Variants in TNS4 observed in about 807,000 individuals in gnomAD.
The protein encoded by TNS4 is tensin 4.
TNS4 carries 46 observed loss-of-function variants against 70.4 expected under a neutral mutation model. The observed-to-expected ratio is 0.65, with a 90% CI of 0.52 to 0.84. The LOEUF is 0.84. Ranked by LOEUF, TNS4 falls within the 40% of genes least tolerant of loss-of-function variation. The pLI is 0.00. For synonymous variants in TNS4, 390 were observed against 366.6 expected, an observed-to-expected ratio of 1.06 and a Z score of -0.73; for missense variants, 863 against 907.0, an observed-to-expected ratio of 0.95 and a Z score of 0.62.
chr17:40,492,523 A>G (rs2036087341), intron 2 of TNS4, among the ~76,000 whole-genome samples: 1 of 151,338 alleles, frequency 6.6e-6, no homozygotes, highest in African/African-American at 2.4e-5. Context: ...TCATGCCATC[A>G]CACCCAACTA....
At chr17:40,497,538 G>T (rs1479590959) in intron 1 of TNS4, among the ~76,000 whole-genome samples, 1 of 152,240 alleles carries the variant, frequency 6.6e-6, no homozygotes, top group Admixed American at 6.5e-5. Context: ...GGGAGGCAGA[G>T]GTTGCAGTGA....
At chr17:40,484,818 C>T in intron 5 of TNS4, 103 bp downstream of exon 5, 3 of 1,454,432 alleles carry the variant, frequency 2.1e-6, no homozygotes, top group African/African-American at 2.8e-5. Flanking sequence ...CCCCGCTTCC[C>T]AGGACCCACT....
chr17:40,478,165 TC>T (rs1485383258), intron 12 of TNS4, 141 bp downstream of exon 12: 2 of 1,093,978 alleles, frequency 1.8e-6, no homozygotes, highest in Non-Finnish European at 2.7e-6. Flanking sequence ...TCAAAGTCTT[TC>T]CCATCAGATG....
intron 4 of TNS4, among the ~76,000 whole-genome samples, chr17:40,486,787 T>C (rs1041872734): frequency 2.0e-5 from 3 of 152,280 alleles, no homozygotes; most frequent in Admixed American, 2.0e-4. Context: ...ACTGAAAGAA[T>C]CATTCCTTCA....
Position 40,480,620 on chromosome 17 carries a change from A to G in TNS4, c.1741+80T>C, listed in dbSNP as rs964106293. The G allele has an allele frequency of 4.6e-5, 62 of 1,336,428 alleles. No homozygotes were observed. The Middle Eastern group carries it at 2.1e-3, about 46-fold the overall frequency. 82.8% of individuals were successfully genotyped at this position (1,336,428 alleles called of 1,614,324 possible). ...TGTGTGCCTGTGCGTGTGTGCGTGC[A>G]TGCGTGCGTGTGTGCAGGGTTGGGA... is the stretch of plus-strand genomic sequence containing the variant. On this transcript the variant is annotated intron_variant, in intron 9 of 12. Coordinates refer to ENST00000254051, the MANE Select transcript of TNS4 (RefSeq NM_032865.6).
chr17:40,489,526 G>A (rs4405602), intron 2 of TNS4, among the ~76,000 whole-genome samples: 1 of 152,126 alleles, frequency 6.6e-6, no homozygotes, highest in Admixed American at 6.6e-5. Context: ...GTTTCTCTGA[G>A]GCTGGGCGCG....
intron 2 of TNS4, among the ~76,000 whole-genome samples, chr17:40,491,876 A>G (rs1175616698): frequency 2.0e-5 from 3 of 151,684 alleles, no homozygotes; most frequent in East Asian, 1.9e-4. Flanking sequence ...CTTATTAAAT[A>G]CCCTTCACTT....
At chr17:40,499,556 C>G (rs774511210) in intron 1 of TNS4, among the ~76,000 whole-genome samples, 2 of 152,212 alleles carry the variant, frequency 1.3e-5, no homozygotes, top group African/African-American at 4.8e-5. Flanking sequence ...AAGCCAGGGC[C>G]CCTTCCCCTC....
At chr17:40,479,571 A>G (rs1321632682) in intron 10 of TNS4, 103 bp downstream of exon 10, 3 of 1,448,576 alleles carry the variant, frequency 2.1e-6, no homozygotes, top group Non-Finnish European at 2.8e-6. Flanking sequence ...GGTCATCCAG[A>G]ACCCTGAACT....
intron 4 of TNS4, among the ~76,000 whole-genome samples, chr17:40,485,338 TAAAC>T (rs2035977647): frequency 6.6e-6 from 1 of 152,252 alleles, no homozygotes; most frequent in Admixed American, 6.5e-5. Flanking sequence ...AAATAAGAGA[TAAAC>T]AAGGAATTCT....
At chr17:40,488,328 G>A (rs1297792599) in intron 3 of TNS4, among the ~76,000 whole-genome samples, 1 of 151,794 alleles carries the variant, frequency 6.6e-6, no homozygotes, top group Admixed American at 6.5e-5. Flanking sequence ...TTTACCAAAA[G>A]GTAGCTATAA....
intron 1 of TNS4, among the ~76,000 whole-genome samples, chr17:40,498,795 T>C (rs1401370554): frequency 6.6e-6 from 1 of 152,152 alleles, no homozygotes; most frequent in East Asian, 1.9e-4. Context: ...GTGCTCCTCC[T>C]TCCTCGGCCT....
Position 40,487,052 on chromosome 17 carries a change from A to G in TNS4, c.1272T>C (p.Phe424=). 6.2e-7 allele frequency: 1 copy of G among 1,614,146 alleles called. No individual in the cohort carries two copies. The highest frequency in any genetic ancestry group is 8.5e-7 in the Non-Finnish European group (1 of 1,179,982). ...SNSQTLSDAP[F]TTCPEGPARD... Reference sequence around the variant, plus strand: ...ACGACGTACCCTCTGGGCATGTGGTAAAGGGGGCATCTGACAGGGTCTGGC... The same window carrying G: ...ACGACGTACCCTCTGGGCATGTGGTGAAGGGGGCATCTGACAGGGTCTGGC... Residue 424 remains phenylalanine (F), a synonymous_variant, in exon 4 of 13, where the codon TTT becomes TTC. Coordinates refer to ENST00000254051, the MANE Select transcript of TNS4 (RefSeq NM_032865.6).
At chr17:40,483,228 A>G (rs1298021318) in intron 6 of TNS4, among the ~76,000 whole-genome samples, 1 of 151,618 alleles carries the variant, frequency 6.6e-6, no homozygotes, top group African/African-American at 2.4e-5. Flanking sequence ...TTTTTTTTAG[A>G]CAGGGTCTCA....
chr17:40,484,333 G>C, intron 6 of TNS4, 151 bp downstream of exon 6: 2 of 1,236,584 alleles, frequency 1.6e-6, no homozygotes, highest in Middle Eastern at 2.9e-4. Flanking sequence ...GGAGGGCATC[G>C]GGGAGAACAC....
At chr17:40,489,029 G>C in intron 2 of TNS4, 60 bp from the exon 3 acceptor site, 1 of 1,446,550 alleles carries the variant, frequency 6.9e-7, no homozygotes, top group South Asian at 1.4e-5. Flanking sequence ...ATAGAACAGA[G>C]AGGCTGGAAG....
At position 40,487,461 on chromosome 17, in the gene TNS4, C is replaced by T. The variant is rs1441105018; in HGVS notation, c.864-1G>A. 18 of 1,598,656 alleles carry T rather than the reference C, an allele frequency of 1.1e-5. No individual in the cohort carries two copies. Among genetic ancestry groups the T allele is most frequent in the Non-Finnish European group, 1.5e-5 (17 of 1,169,616 alleles). ...GCTGGAGTGCAGGAGGGACTGGCTG[C>T]TGCAGCGGGAGAGAGTCAGACAGGG... On this transcript the variant is annotated splice_acceptor_variant, in intron 3 of 12. Transcript: ENST00000254051. LOFTEE classifies it high-confidence loss of function.
In TNS4 at chr17:40,488,905, G is replaced by A. The variant is rs540759271; in HGVS notation, c.504C>T (p.Ser168=). ...CGAAGGGCGGGGTGACAGAGGGGCT[G>A]GAGCAGTGCTGGGGGCCATCGTGGC... is the stretch of plus-strand genomic sequence containing the variant. ...SRCHDGPQHC[S]SPSVTPPFGS... is the part of the protein sequence containing the mutation. The change falls in exon 3 of 13, where the codon TCC becomes TCT. Residue 168 remains serine, a synonymous_variant. Coordinates refer to ENST00000254051, the MANE Select transcript of TNS4 (RefSeq NM_032865.6). 1.1e-5 allele frequency: 17 copies of A among 1,612,062 alleles called. No individual in the cohort carries two copies. In the South Asian group the frequency reaches 1.5e-4, roughly 15 times the overall value.
At chr17:40,486,758 C>T (rs937381196) in intron 4 of TNS4, among the ~76,000 whole-genome samples, 1 of 152,110 alleles carries the variant, frequency 6.6e-6, no homozygotes, top group Non-Finnish European at 1.5e-5. Context: ...GCTCGGATGT[C>T]GCTTCCTCTG....
Sources: gnomAD v4.1 joint callset for allele counts (sites outside exome capture counted in the v4.1 genomes callset) on GRCh38, gnomAD v4.1.1 for gene constraint, MANE v1.5 for transcripts, NCBI Gene and HGNC (gene_info 2026-07-23, HGNC 2026-07-21) for gene names.